The following NEK1 variants were observed in gnomAD, a reference collection of about 807,000 sequenced individuals.
NEK1 encodes the protein serine/threonine-protein kinase Nek1.
A neutral mutation model predicts 182.1 loss-of-function variants in NEK1; 137 were observed. That is an observed-to-expected ratio of 0.75 (90% confidence interval 0.65 to 0.87). The LOEUF (loss-of-function observed/expected upper bound fraction) is 0.87. NEK1 is among the 40% of genes least tolerant of loss of function. NEK1 has a pLI of 0.00. For synonymous variants in NEK1, 513 were observed against 492.2 expected, an observed-to-expected ratio of 1.04 and a Z score of -0.56; for missense variants, 1,391 against 1,494.4, an observed-to-expected ratio of 0.93 and a Z score of 1.14.
chr4:169,610,421 A>G (rs1369103200), intron 2 of NEK1, among the ~76,000 whole-genome samples: 4 of 151,504 alleles, frequency 2.6e-5, no homozygotes, highest in African/African-American at 9.7e-5. Context: ...TCAAGCAATT[A>G]TCCTGTGTTA....
intron 29 of NEK1, among the ~76,000 whole-genome samples, chr4:169,428,215 G>A (rs971139397): frequency 1.4e-4 from 21 of 151,666 alleles, no homozygotes; most frequent in African/African-American, 5.1e-4. Context: ...CCACTCCAAG[G>A]TATATACCCA....
intron 31 of NEK1, among the ~76,000 whole-genome samples, chr4:169,410,293 A>C (rs1733446043): frequency 6.6e-6 from 1 of 152,196 alleles, no homozygotes; most frequent in South Asian, 2.1e-4. Context: ...AAACCTTAAA[A>C]TGTTTCCTTC....
chr4:169,578,937 A>AACATAC (rs1235488017), intron 11 of NEK1, among the ~76,000 whole-genome samples: 1 of 152,222 alleles, frequency 6.6e-6, no homozygotes, highest in Non-Finnish European at 1.5e-5. Context: ...ATCAAATTAG[A>AACATAC]ACATACACAT....
intron 12 of NEK1, among the ~76,000 whole-genome samples, chr4:169,575,054 G>A (rs1318607019): frequency 6.6e-6 from 1 of 152,180 alleles, no homozygotes; most frequent in Admixed American, 6.5e-5. Context: ...CTATGCAGGG[G>A]TGGGGGCAGA....
At chr4:169,606,207 T>C (rs1771312639) in intron 2 of NEK1, among the ~76,000 whole-genome samples, 1 of 150,800 alleles carries the variant, frequency 6.6e-6, no homozygotes, top group South Asian at 2.1e-4. Context: ...TTCTTTAGCC[T>C]AATTATTTAA....
chr4:169,497,563 C>CGCACT (rs1751576576), intron 23 of NEK1, among the ~76,000 whole-genome samples: 1 of 152,192 alleles, frequency 6.6e-6, no homozygotes, highest in African/African-American at 2.4e-5. Flanking sequence ...TTTCCTTCTA[C>CGCACT]GCACTGCTTT....
At chr4:169,569,948 C>T (rs1376262552) in intron 12 of NEK1, among the ~76,000 whole-genome samples, 5 of 150,746 alleles carry the variant, frequency 3.3e-5, no homozygotes, top group African/African-American at 4.9e-5. Context: ...TCTGCCTGGC[C>T]GCCCATCGTC....
At chr4:169,493,248 C>T (rs1452009575) in intron 23 of NEK1, among the ~76,000 whole-genome samples, 1 of 152,132 alleles carries the variant, frequency 6.6e-6, no homozygotes, top group Admixed American at 6.6e-5. Flanking sequence ...ATCGAGCATA[C>T]ACAACATACA....
intron 2 of NEK1, among the ~76,000 whole-genome samples, chr4:169,606,666 TG>T (rs1771395279): frequency 6.6e-6 from 1 of 152,286 alleles, no homozygotes; most frequent in East Asian, 1.9e-4. Context: ...ATCTCTAGAT[TG>T]GGTACACCAG....
intron 12 of NEK1, among the ~76,000 whole-genome samples, chr4:169,567,450 G>A (rs1763900280): frequency 6.6e-6 from 1 of 151,784 alleles, no homozygotes; most frequent in Admixed American, 6.6e-5. Flanking sequence ...ACCTGGGCTG[G>A]AGTGTAATGG....
At chr4:169,404,335 C>T (rs982272321) in intron 32 of NEK1, among the ~76,000 whole-genome samples, 1 of 151,898 alleles carries the variant, frequency 6.6e-6, no homozygotes, top group African/African-American at 2.4e-5. Flanking sequence ...CAAAAATCTA[C>T]AGAACTCTAG....
intron 27 of NEK1, among the ~76,000 whole-genome samples, chr4:169,442,002 A>G (rs1325203281): frequency 6.6e-6 from 1 of 152,034 alleles, no homozygotes; most frequent in African/African-American, 2.4e-5. Flanking sequence ...CCTGCACTAA[A>G]GGCCTGGAGA....
chr4:169,524,751 T>C (rs1756642451), intron 19 of NEK1, among the ~76,000 whole-genome samples: 1 of 152,208 alleles, frequency 6.6e-6, no homozygotes, highest in Non-Finnish European at 1.5e-5. Flanking sequence ...AAGCTAAGAA[T>C]GGTGTTCAAA....
At chr4:169,502,614 A>C (rs1005359228) in intron 23 of NEK1, among the ~76,000 whole-genome samples, 13 of 152,274 alleles carry the variant, frequency 8.5e-5, no homozygotes, top group African/African-American at 2.9e-4. Context: ...CCACATAAAC[A>C]GAATTTTAAA....
In NEK1 at chr4:169,442,866, T is replaced by A. The variant is rs567673632; in HGVS notation, c.2588-4607A>T. On this transcript the variant is annotated intron_variant, in intron 27 of 35. Coordinates refer to ENST00000507142, the MANE Select transcript of NEK1 (RefSeq NM_001199397.3). Reference sequence around the variant, plus strand: ...CTGGGCAACACAGTGAGATACTGTCTCTACAGGAAATTCTTTAAAAAGTAA... The same window carrying A: ...CTGGGCAACACAGTGAGATACTGTCACTACAGGAAATTCTTTAAAAAGTAA... Among the ~76,000 whole-genome samples the A allele has an allele frequency of 2.6e-5, 4 of 152,128 alleles. No individual in the cohort carries two copies. In the East Asian group the frequency reaches 7.7e-4, roughly 29 times the overall value.
At chr4:169,416,353 AT>A (rs1411729076) in intron 31 of NEK1, among the ~76,000 whole-genome samples, 1 of 152,216 alleles carries the variant, frequency 6.6e-6, no homozygotes, top group East Asian at 1.9e-4. Context: ...ATCATAATGC[AT>A]TACAAGTGTT....
At chr4:169,582,638 G>A (rs935647340) in intron 10 of NEK1, among the ~76,000 whole-genome samples, 2 of 152,124 alleles carry the variant, frequency 1.3e-5, no homozygotes, top group Non-Finnish European at 2.9e-5. Flanking sequence ...TGTTGGAGAA[G>A]TCTTTGTTTT....
At chr4:169,541,510 A>T (rs1404618822) in intron 18 of NEK1, among the ~76,000 whole-genome samples, 1 of 152,174 alleles carries the variant, frequency 6.6e-6, no homozygotes, top group East Asian at 1.9e-4. Flanking sequence ...AAGAAGAAAC[A>T]GGCAAATATA....
At position 169,587,560 on chromosome 4, in the gene NEK1, G is replaced by A. The variant is rs866529209; in HGVS notation, c.605C>T (p.Ala202Val). Residue 202 changes from alanine to valine, a missense_variant and splice_region_variant, in exon 9 of 36, where the codon GCT (alanine) becomes GTT (valine). Coordinates refer to ENST00000507142, the MANE Select transcript of NEK1 (RefSeq NM_001199397.3). ...VLYELCTLKH[A>V]FEAGSMKNLV... ...AGTATTTCAGAAACTTCTACTTACA[G>A]CATGTTTAAGTGTACACAGCTCATA... 6.7e-7 allele frequency: 1 copy of A among 1,482,082 alleles called. No homozygotes were observed. The allele number at this position is 1,482,082 out of a possible 1,614,324, so 91.8% of individuals were successfully genotyped here. A position where few individuals can be genotyped will look rare whatever the true frequency, so the allele number is the denominator to read the frequency against.
Sources: gnomAD v4.1 joint callset for allele counts (sites outside exome capture counted in the v4.1 genomes callset) on GRCh38, gnomAD v4.1.1 for gene constraint, MANE v1.5 for transcripts, NCBI Gene and HGNC (gene_info 2026-07-23, HGNC 2026-07-21) for gene names.